Variants in HNF1B observed in about 807,000 individuals in gnomAD.
HNF1B encodes hepatocyte nuclear factor 1-beta.
Under a neutral mutation model 61.7 loss-of-function variants are expected in HNF1B, and 8 were observed. The observed-to-expected ratio is 0.13, with a 90% CI of 0.08 to 0.23. HNF1B has a LOEUF of 0.23. Among genes scored for constraint, HNF1B ranks in the 10% least tolerant of loss-of-function variants. HNF1B has a pLI of 1.00. For synonymous variants in HNF1B, 314 were observed against 287.7 expected (o/e 1.09, Z -0.93); for missense variants, 562 against 714.5 (o/e 0.79, Z 2.43).
intron 1 of HNF1B, among the ~76,000 whole-genome samples, chr17:37,740,512 G>A (rs1264538444): frequency 6.6e-6 from 1 of 152,096 alleles, no homozygotes; most frequent in East Asian, 1.9e-4. Context: ...CACCTTCTAA[G>A]AAGCAAGGAG....
In HNF1B at chr17:37,739,719, A is replaced by G; in HGVS notation, c.345-80T>C. 4 of 1,286,650 alleles carry G rather than the reference A, an allele frequency of 3.1e-6. No individual in the cohort carries two copies. In the South Asian group the frequency reaches 5.1e-5, roughly 16 times the overall value. 79.7% of individuals were successfully genotyped at this position (1,286,650 alleles called of 1,614,324 possible). A position where few individuals can be genotyped will look rare whatever the true frequency, so the allele number is the denominator to read the frequency against. On this transcript the variant is annotated intron_variant, in intron 1 of 8. Transcript: ENST00000617811. The stretch of plus-strand genomic sequence containing the variant: ...ATTCTTTTTCTAGGGGGTGCTACCT[A>G]TGGTCTATGCAAAATTCTGAATTTT...
chr17:37,712,173 T>G (rs893915588), intron 4 of HNF1B, among the ~76,000 whole-genome samples: 1 of 152,264 alleles, frequency 6.6e-6, no homozygotes, highest in South Asian at 2.1e-4. Context: ...ACGCTTGCTC[T>G]ATGAGCTTTT....
At chr17:37,731,938 G>A in intron 3 of HNF1B, 108 bp from the exon 4 acceptor site, 1 of 732,732 alleles carries the variant, frequency 1.4e-6, no homozygotes, top group Non-Finnish European at 2.3e-6. Context: ...GTATGAAGGG[G>A]CCGTGGGCAG....
chr17:37,706,345 G>A (rs1024910841), intron 5 of HNF1B, among the ~76,000 whole-genome samples: 4 of 152,032 alleles, frequency 2.6e-5, no homozygotes, highest in African/African-American at 9.7e-5. Flanking sequence ...CAGGAACCCC[G>A]AGAGGTGCTT....
chr17:37,737,713 C>T (rs542322525), intron 2 of HNF1B, among the ~76,000 whole-genome samples: 29 of 151,468 alleles, frequency 1.9e-4, no homozygotes, highest in East Asian at 5.8e-4. Context: ...CGGGCACCTG[C>T]AGTCCCAGCT....
At chr17:37,691,844 C>G (rs149272342) in intron 8 of HNF1B, among the ~76,000 whole-genome samples, 213 of 152,200 alleles carry the variant, frequency 1.4e-3, no homozygotes, top group African/African-American at 4.9e-3. Flanking sequence ...GAGGAATAGC[C>G]GAAGGGGATA....
At chr17:37,713,024 A>T (rs1460735983) in intron 4 of HNF1B, among the ~76,000 whole-genome samples, 1 of 152,178 alleles carries the variant, frequency 6.6e-6, no homozygotes, top group East Asian at 1.9e-4. Context: ...TTTGCCCTGG[A>T]AGCAACCTGG....
chr17:37,739,132 A>C (rs2033916912), intron 2 of HNF1B, among the ~76,000 whole-genome samples: 1 of 152,170 alleles, frequency 6.6e-6, no homozygotes, highest in Non-Finnish European at 1.5e-5. Context: ...AAGACATTTC[A>C]CTCTGTCACC....
intron 4 of HNF1B, among the ~76,000 whole-genome samples, chr17:37,711,642 G>T (rs537268342): frequency 8.5e-5 from 13 of 152,344 alleles, no homozygotes; most frequent in Middle Eastern, 3.4e-3. Flanking sequence ...AAGGTTGGGG[G>T]TACATGGGGC....
chr17:37,718,512 A>G (rs4795218), intron 4 of HNF1B, among the ~76,000 whole-genome samples: 124,733 of 152,192 alleles, frequency 0.82, 51,646 homozygotes, highest in African/African-American at 0.94. Context: ...ACTGAGGTTC[A>G]GAGAGGACAA....
At chr17:37,721,006 T>C (rs1420135005) in intron 4 of HNF1B, 1 of 945,552 alleles carries the variant, frequency 1.1e-6, no homozygotes, top group Non-Finnish European at 1.3e-6. Context: ...AAATAGGAGA[T>C]GTTGTTTAAG....
intron 4 of HNF1B, among the ~76,000 whole-genome samples, chr17:37,727,722 G>A (rs552056466): frequency 2.4e-4 from 36 of 152,264 alleles, no homozygotes; most frequent in African/African-American, 8.2e-4. Context: ...CGTGGTCATC[G>A]TGGGCAAGTG....
At chr17:37,741,858 C>T (rs1424658174) in intron 1 of HNF1B, among the ~76,000 whole-genome samples, 2 of 152,132 alleles carry the variant, frequency 1.3e-5, no homozygotes, top group Non-Finnish European at 2.9e-5. Context: ...CCCCCAAGAA[C>T]CTTATAAATA....
At chr17:37,742,851 C>T (rs936785746) in intron 1 of HNF1B, among the ~76,000 whole-genome samples, 2 of 151,072 alleles carry the variant, frequency 1.3e-5, no homozygotes, top group African/African-American at 4.9e-5. Flanking sequence ...CAGGGCCGCA[C>T]GGGGCGCCTG....
At chr17:37,733,491 C>G in intron 3 of HNF1B, 66 bp downstream of exon 3, 2 of 1,577,530 alleles carry the variant, frequency 1.3e-6, no homozygotes, top group East Asian at 4.5e-5. Context: ...TATCCCAGGA[C>G]CGAGGGGAGG....
intron 1 of HNF1B, among the ~76,000 whole-genome samples, chr17:37,742,749 C>CGG (rs1008360132): frequency 1.3e-5 from 2 of 151,430 alleles, no homozygotes; most frequent in African/African-American, 4.8e-5. Context: ...GGCTCTCCGC[C>CGG]GGCCGGGCCT....
intron 8 of HNF1B, among the ~76,000 whole-genome samples, chr17:37,696,008 A>G (rs2032371107): frequency 6.6e-6 from 1 of 152,098 alleles, no homozygotes; most frequent in Non-Finnish European, 1.5e-5. Context: ...GTGGAATGAT[A>G]TGGTCTGGAT....
chr17:37,699,642 A>G (rs2032499474), intron 7 of HNF1B, among the ~76,000 whole-genome samples: 3 of 152,164 alleles, frequency 2.0e-5, no homozygotes, highest in Admixed American at 2.0e-4. Context: ...AGGCCTCGCC[A>G]CTGAGGAAGC....
rs77230421 is a variant in HNF1B, at chr17:37,736,800, G to A, written c.544+2640C>T. ...CAGTGTGTCCTCAAATCAGCCAGGT[G>A]GGTTTGCCTGTAGGTGCTCAGAACC... On this transcript the variant is annotated intron_variant, in intron 2 of 8. Coordinates refer to ENST00000617811, the MANE Select transcript of HNF1B (RefSeq NM_000458.4). 1.3e-3 allele frequency among the ~76,000 whole-genome samples: 191 copies of A among 152,294 alleles called. 2 individuals are homozygous for A. The highest frequency in any genetic ancestry group is 4.4e-3 in the African/African-American group (181 of 41,560).
Sources: gnomAD v4.1 joint callset for allele counts (sites outside exome capture counted in the v4.1 genomes callset) on GRCh38, gnomAD v4.1.1 for gene constraint, MANE v1.5 for transcripts, NCBI Gene and HGNC (gene_info 2026-07-23, HGNC 2026-07-21) for gene names.